The following CBL variants were observed in gnomAD, a reference collection of about 807,000 sequenced individuals.
CBL encodes E3 ubiquitin-protein ligase CBL.
A neutral mutation model predicts 96.9 loss-of-function variants in CBL; 45 were observed. That is an observed-to-expected ratio of 0.46 (90% CI 0.37 to 0.60). The LOEUF is 0.60. Among genes scored for constraint, CBL ranks in the 20% least tolerant of loss-of-function variants. The pLI is 0.00. For synonymous variants in CBL, 420 were observed against 426.8 expected (o/e 0.98, Z 0.20); for missense variants, 1,024 against 1,143.5 (o/e 0.90, Z 1.51).
chr11:119,240,237 G>C (rs12286018), intron 2 of CBL, among the ~76,000 whole-genome samples: 1 of 151,612 alleles, frequency 6.6e-6, no homozygotes, highest in Non-Finnish European at 1.5e-5. Context: ...GGAGGTTTGC[G>C]GTGAGCTGAG....
intron 4 of CBL, 66 bp downstream of exon 4, chr11:119,274,090 T>C: frequency 4.7e-6 from 6 of 1,280,618 alleles, no homozygotes; most frequent in Non-Finnish European, 6.7e-6. Flanking sequence ...GCTTTTTTTT[T>C]TTTTTTTTAA....
chr11:119,207,997 C>T (rs1049455612), intron 1 of CBL, among the ~76,000 whole-genome samples: 1 of 152,112 alleles, frequency 6.6e-6, no homozygotes, highest in African/African-American at 2.4e-5. Context: ...TCATAGCCAC[C>T]TTTTTAGGGC....
In CBL at chr11:119,299,790, C is replaced by G. The variant is rs767808756; in HGVS notation, c.*9C>G. ...CCCATGTAGCTACCTAGCACACCAT[C>G]TCCCTGCTGCAGGTTTAGAGGACCA... is the stretch of plus-strand genomic sequence containing the variant. On this transcript the variant is annotated 3_prime_UTR_variant, in exon 16 of 16. Transcript: ENST00000264033. 1.9e-6 allele frequency: 3 copies of G among 1,613,630 alleles called. No individual in the cohort carries two copies. The highest frequency in any genetic ancestry group is 3.3e-4 in the Middle Eastern group (2 of 6,014).
intron 2 of CBL, among the ~76,000 whole-genome samples, chr11:119,240,848 G>A (rs1315637251): frequency 6.6e-6 from 1 of 152,016 alleles, no homozygotes; most frequent in Non-Finnish European, 1.5e-5. Context: ...TGAGGTGGGT[G>A]GATCACCTGA....
chr11:119,233,478 C>T (rs1308244411), intron 2 of CBL, among the ~76,000 whole-genome samples: 2 of 152,176 alleles, frequency 1.3e-5, no homozygotes, highest in Admixed American at 6.5e-5. Flanking sequence ...AGGTGATCTG[C>T]CCGCTTTGGC....
chr11:119,298,791 GT>G (rs1250238045), intron 15 of CBL, among the ~76,000 whole-genome samples: 1 of 152,228 alleles, frequency 6.6e-6, no homozygotes, highest in Non-Finnish European at 1.5e-5. Context: ...AGGATTTATA[GT>G]TTCTCTGAGT....
chr11:119,291,080 G>T (rs1950023404), intron 12 of CBL, among the ~76,000 whole-genome samples: 1 of 152,194 alleles, frequency 6.6e-6, no homozygotes, highest in African/African-American at 2.4e-5. Flanking sequence ...TTAGCCGTCA[G>T]CCTTAATGTT....
rs1244597922 is a variant in CBL, at chr11:119,306,390, C to T, written c.*6609C>T. Reference sequence around the variant, plus strand: ...AGTCCCAAAAATGAATGTCAGGCCCCGCCCCCTCCCCACCAACATTGCCTC... The same window carrying T: ...AGTCCCAAAAATGAATGTCAGGCCCTGCCCCCTCCCCACCAACATTGCCTC... On this transcript the variant is annotated 3_prime_UTR_variant, in exon 16 of 16. Coordinates refer to ENST00000264033, the MANE Select transcript of CBL (RefSeq NM_005188.4). 2 of 398,904 alleles carry T rather than the reference C, an allele frequency of 5.0e-6. No individual in the cohort carries two copies. The highest frequency in any genetic ancestry group is 8.8e-6 in the Non-Finnish European group (2 of 226,150). The allele number at this position is 398,904 out of a possible 1,614,324, so 24.7% of individuals were successfully genotyped here.
In CBL at chr11:119,233,984, TTTTC is replaced by T. The variant is rs376599280; in HGVS notation, c.443+1305_443+1308del. Among the ~76,000 whole-genome samples the T allele has an allele frequency of 5.8e-4, 89 of 152,212 alleles. 1 individual carries two copies. The East Asian group carries it at 0.013, about 22-fold the overall frequency. On this transcript the variant is annotated intron_variant, in intron 2 of 15. Coordinates refer to ENST00000264033, the MANE Select transcript of CBL (RefSeq NM_005188.4). ...GAGTAATGGACTCAAAATGTCCATC[TTTTC>T]TTTCTTTCTTTCTTTTGTTTTGTTT... is the stretch of plus-strand genomic sequence containing the variant.
chr11:119,218,946 A>C (rs1949385238), intron 1 of CBL, among the ~76,000 whole-genome samples: 1 of 152,164 alleles, frequency 6.6e-6, no homozygotes, highest in Admixed American at 6.6e-5. Flanking sequence ...GTCTGGGCTC[A>C]ATGGCTCATG....
intron 2 of CBL, among the ~76,000 whole-genome samples, chr11:119,249,907 C>T (rs913695775): frequency 4.6e-5 from 7 of 152,112 alleles, no homozygotes; most frequent in African/African-American, 1.2e-4. Context: ...TCCTACCTTA[C>T]TCAGCTTCCT....
intron 2 of CBL, among the ~76,000 whole-genome samples, chr11:119,254,187 A>G (rs1165819509): frequency 3.9e-5 from 6 of 152,190 alleles, no homozygotes; most frequent in Non-Finnish European, 5.9e-5. Context: ...TCTCTATAAA[A>G]AAGAAAAGTC....
At chr11:119,241,482 C>T (rs1440364206) in intron 2 of CBL, among the ~76,000 whole-genome samples, 1 of 152,136 alleles carries the variant, frequency 6.6e-6, no homozygotes, top group African/African-American at 2.4e-5. Flanking sequence ...CTGAATAGTA[C>T]ATAGTCCCTT....
intron 12 of CBL, among the ~76,000 whole-genome samples, chr11:119,291,050 C>T (rs1331930417): frequency 6.6e-6 from 1 of 152,126 alleles, no homozygotes; most frequent in Non-Finnish European, 1.5e-5. Flanking sequence ...CTTTTGGCTT[C>T]CATTGTTTCT....
chr11:119,264,252 C>G (rs1042338532), intron 2 of CBL, among the ~76,000 whole-genome samples: 1 of 152,116 alleles, frequency 6.6e-6, no homozygotes, highest in Non-Finnish European at 1.5e-5. Flanking sequence ...TAGAGACAGT[C>G]TTGCTATGTT....
At chr11:119,277,270 C>CACACACACACACACACAT (rs993033451) in intron 6 of CBL, among the ~76,000 whole-genome samples, 6 of 151,576 alleles carry the variant, frequency 4.0e-5, no homozygotes, top group African/African-American at 1.5e-4. Context: ...CACACACACA[C>CACACACACACACACACAT]ATAAAGAATT....
At position 119,273,947 on chromosome 11, in the gene CBL, C is replaced by G. The variant is rs1044358721; in HGVS notation, c.670C>G (p.Leu224Val). The G allele has an allele frequency of 1.9e-6, 3 of 1,614,006 alleles. No homozygotes were observed. In the South Asian group the frequency reaches 3.3e-5, roughly 18 times the overall value. The part of the protein sequence containing the change: ...PISSGLEAMA[L>V]KSTIDLTCND... The stretch of plus-strand genomic sequence containing the variant: ...CAGTTCTGGGCTGGAGGCCATGGCT[C>G]TGAAATCCACTATTGATCTGACCTG... Residue 224 changes from leucine (L) to valine (V), a missense_variant, in exon 4 of 16, where the codon CTG (leucine) becomes GTG (valine). Leu to Val is a conservative substitution (Grantham distance 32). Around this residue, in one of 4 missense-constraint regions of CBL, gnomAD observed 192 missense variants for 321.8 expected, o/e 0.60. Transcript: ENST00000264033.
At position 119,244,581 on chromosome 11, in the gene CBL, A is replaced by ATTTTTTTTTTT. The variant is rs532837579; in HGVS notation, c.443+11894_443+11904dup. Among the ~76,000 whole-genome samples the ATTTTTTTTTTT allele has an allele frequency of 2.1e-3, 220 of 104,324 alleles. 7 individuals are homozygous for ATTTTTTTTTTT. The highest frequency in any genetic ancestry group is 6.0e-3 in the African/African-American group (145 of 24,310). The allele number at this position is 104,324 out of a possible 152,430, so 68.4% of individuals were successfully genotyped here. On this transcript the variant is annotated intron_variant, in intron 2 of 15. Coordinates refer to ENST00000264033, the MANE Select transcript of CBL (RefSeq NM_005188.4). ...AGGTGCATGCTACCATGCCCGGCTAATTTTTTTTTTTTTTTTTTGAGACGG... is the reference window on the plus strand; with the variant it reads ...AGGTGCATGCTACCATGCCCGGCTAATTTTTTTTTTTTTTTTTTTTTTTTTTTTTGAGACGG...
rs180974067 is a variant in CBL at position 119,275,407 on chromosome 11, T to C, written c.869+454T>C. Among the ~76,000 whole-genome samples, 84 of 152,162 alleles carry C rather than the reference T, an allele frequency of 5.5e-4. 1 individual carries two copies. In the East Asian group the frequency reaches 0.013, roughly 24 times the overall value. ...GAGCCGAGATCATGTCATTGCACTC[T>C]AGCCTGGGCAATAAGAGCGAAACCC... On this transcript the variant is annotated intron_variant, in intron 5 of 15. Coordinates refer to ENST00000264033, the MANE Select transcript of CBL (RefSeq NM_005188.4).
Sources: allele counts gnomAD v4.1 joint callset (sites outside exome capture counted in the v4.1 genomes callset), GRCh38; gene constraint gnomAD v4.1.1; regional missense constraint gnomAD v4.1.1; transcripts MANE v1.5; gene names NCBI Gene and HGNC (gene_info 2026-07-23, HGNC 2026-07-21).